Variants in ANO2 observed in about 807,000 individuals in gnomAD.
The protein encoded by ANO2 is anoctamin-2.
ANO2 carries 101 observed loss-of-function variants against 124.2 expected under a neutral mutation model. That is an observed-to-expected ratio of 0.81 (90% CI 0.69 to 0.96). The LOEUF is 0.96. Ranked by LOEUF, ANO2 falls within the 40% of genes least tolerant of loss-of-function variation. The pLI is 0.00. For missense variants in ANO2, 1,293 were observed against 1,274.5 expected, an observed-to-expected ratio of 1.01 and a Z score of -0.22; for synonymous variants, 486 against 482.5, an observed-to-expected ratio of 1.01 and a Z score of -0.09.
intron 10 of ANO2, among the ~76,000 whole-genome samples, chr12:5,753,999 G>A (rs1951510053): frequency 6.6e-6 from 1 of 152,134 alleles, no homozygotes; most frequent in Non-Finnish European, 1.5e-5. Flanking sequence ...TGAATATGAT[G>A]TTAGCCATGA....
intron 10 of ANO2, among the ~76,000 whole-genome samples, chr12:5,784,892 G>A (rs7975202): frequency 0.061 from 9,315 of 152,228 alleles, 913 homozygotes; most frequent in African/African-American, 0.21. Context: ...CTCCCCTGCC[G>A]AGTTTGCTCA....
intron 14 of ANO2, among the ~76,000 whole-genome samples, chr12:5,715,223 T>C (rs533830661): frequency 6.6e-6 from 1 of 152,252 alleles, no homozygotes; most frequent in South Asian, 2.1e-4. Context: ...TGAAGGGGGT[T>C]TCATACATTT....
At chr12:5,796,343 C>T (rs1318131416) in intron 10 of ANO2, among the ~76,000 whole-genome samples, 1 of 151,394 alleles carries the variant, frequency 6.6e-6, no homozygotes, top group Admixed American at 6.6e-5. Flanking sequence ...CTCATGCACG[C>T]TCACACTCTC....
chr12:5,660,420 T>A (rs1017405831), intron 14 of ANO2, among the ~76,000 whole-genome samples: 4 of 71,968 alleles, frequency 5.6e-5, no homozygotes, highest in African/African-American at 2.1e-4. Context: ...GCTTCCTTCC[T>A]GTTCTTAGAA....
intron 8 of ANO2, 101 bp from the exon 9 acceptor site, chr12:5,806,194 T>C (rs1440899829): frequency 4.1e-6 from 5 of 1,231,562 alleles, no homozygotes; most frequent in African/African-American, 1.5e-5. Context: ...ATCATTGCTT[T>C]TTTTTCATTC....
chr12:5,725,224 C>T (rs1412516753), intron 14 of ANO2, among the ~76,000 whole-genome samples: 4 of 152,106 alleles, frequency 2.6e-5, no homozygotes, highest in African/African-American at 7.2e-5. Flanking sequence ...CTCTCACACA[C>T]CCGCTCAAAC....
intron 14 of ANO2, among the ~76,000 whole-genome samples, chr12:5,669,999 C>T (rs1196713529): frequency 6.6e-6 from 1 of 152,144 alleles, no homozygotes; most frequent in Non-Finnish European, 1.5e-5. Context: ...AACTGTGAGC[C>T]CACATAAAAC....
intron 14 of ANO2, among the ~76,000 whole-genome samples, chr12:5,720,443 A>G (rs1331492152): frequency 3.3e-5 from 5 of 152,162 alleles, no homozygotes; most frequent in Non-Finnish European, 7.4e-5. Flanking sequence ...TGAAATAACG[A>G]CCTTGGCCCA....
In ANO2 at chr12:5,907,899, C is replaced by T. The variant is rs117740918; in HGVS notation, c.534+13141G>A. Among the ~76,000 whole-genome samples the T allele has an allele frequency of 1.2e-4, 19 of 152,356 alleles. No homozygotes were observed. In the East Asian group the frequency reaches 3.7e-3, roughly 29 times the overall value. Reference sequence around the variant, plus strand: ...AGCCCAGTGGGGAAGGCAGCTCCCACGCATACCACTGATGCTCTCAGCCTT... The same window carrying T: ...AGCCCAGTGGGGAAGGCAGCTCCCATGCATACCACTGATGCTCTCAGCCTT... On this transcript the variant is annotated intron_variant, in intron 3 of 24. Transcript: ENST00000682330.
chr12:5,937,007 A>T, intron 1 of ANO2, among the ~76,000 whole-genome samples: 1 of 152,222 alleles, frequency 6.6e-6, no homozygotes, highest in East Asian at 1.9e-4. Flanking sequence ...ACTGTGAATA[A>T]TGTTTCAATG....
chr12:5,681,331 C>T (rs999796340), intron 14 of ANO2, among the ~76,000 whole-genome samples: 4 of 152,208 alleles, frequency 2.6e-5, no homozygotes, highest in Non-Finnish European at 4.4e-5. Flanking sequence ...CCCTCTACCA[C>T]TCACATTTTT....
chr12:5,619,758 A>G (rs929062287), intron 16 of ANO2, among the ~76,000 whole-genome samples: 2 of 152,224 alleles, frequency 1.3e-5, no homozygotes, highest in African/African-American at 4.8e-5. Context: ...CTTAACTACA[A>G]TAGAAGCAAG....
chr12:5,626,616 T>C (rs1433077337), intron 16 of ANO2, among the ~76,000 whole-genome samples: 1 of 152,132 alleles, frequency 6.6e-6, no homozygotes, highest in East Asian at 1.9e-4. Flanking sequence ...CCACTGAGGA[T>C]TGCAGCAGGA....
chr12:5,673,898 G>A (rs1362724901), intron 14 of ANO2, among the ~76,000 whole-genome samples: 3 of 152,168 alleles, frequency 2.0e-5, no homozygotes, highest in Non-Finnish European at 4.4e-5. Flanking sequence ...TGGAAGAGCA[G>A]GGAGTCAAGG....
intron 3 of ANO2, among the ~76,000 whole-genome samples, chr12:5,898,369 T>C (rs1939940628): frequency 1.3e-5 from 2 of 152,204 alleles, no homozygotes; most frequent in South Asian, 4.1e-4. Context: ...ACCTGCCATA[T>C]GACCCAGCAA....
intron 20 of ANO2, among the ~76,000 whole-genome samples, chr12:5,588,140 G>C (rs960486609): frequency 2.8e-4 from 42 of 152,192 alleles, no homozygotes; most frequent in South Asian, 4.2e-4. Flanking sequence ...TCTCATTTTT[G>C]TTCAAAGTCC....
At chr12:5,790,516 A>T (rs1195517566) in intron 10 of ANO2, among the ~76,000 whole-genome samples, 1 of 152,046 alleles carries the variant, frequency 6.6e-6, no homozygotes, top group Non-Finnish European at 1.5e-5. Context: ...TAAATCCCCC[A>T]ACTATATTTC....
intron 14 of ANO2, among the ~76,000 whole-genome samples, chr12:5,654,337 C>T (rs889365598): frequency 1.4e-4 from 21 of 152,084 alleles, no homozygotes; most frequent in Non-Finnish European, 2.9e-5. Flanking sequence ...ATGGTTGCTT[C>T]TAGATTTTTA....
intron 3 of ANO2, among the ~76,000 whole-genome samples, chr12:5,882,874 G>C (rs896811253): frequency 2.6e-5 from 4 of 152,206 alleles, no homozygotes; most frequent in African/African-American, 9.6e-5. Context: ...GAGCCACAAA[G>C]GGGAGATATG....
Sources: gnomAD v4.1 joint callset for allele counts (sites outside exome capture counted in the v4.1 genomes callset) on GRCh38, gnomAD v4.1.1 for gene constraint, MANE v1.5 for transcripts, NCBI Gene and HGNC (gene_info 2026-07-23, HGNC 2026-07-21) for gene names.